Variants in XYLT1 observed in about 807,000 individuals in gnomAD.
The protein encoded by XYLT1 is xylosyltransferase 1.
A neutral mutation model predicts 91.3 loss-of-function variants in XYLT1; 36 were observed. That is an observed-to-expected ratio of 0.39 (90% CI 0.30 to 0.52). XYLT1 has a LOEUF of 0.52. Among genes scored for constraint, XYLT1 ranks in the 20% least tolerant of loss-of-function variants. The pLI, the probability that XYLT1 is intolerant of heterozygous loss-of-function variation, is 0.68. For missense variants in XYLT1, 1,242 were observed against 1,284.5 expected, an observed-to-expected ratio of 0.97 and a Z score of 0.51; for synonymous variants, 588 against 532.0, an observed-to-expected ratio of 1.11 and a Z score of -1.45.
chr16:17,388,926 G>T (rs973430432), intron 1 of XYLT1, among the ~76,000 whole-genome samples: 10 of 152,288 alleles, frequency 6.6e-5, no homozygotes, highest in African/African-American at 2.4e-4. Flanking sequence ...CAAGCATGTT[G>T]TTCTGATTGA....
At chr16:17,348,750 AT>A (rs1316775069) in intron 2 of XYLT1, among the ~76,000 whole-genome samples, 1 of 152,056 alleles carries the variant, frequency 6.6e-6, no homozygotes, top group Non-Finnish European at 1.5e-5. Context: ...TGTGAAAGCA[AT>A]TTTCTTCATT....
At chr16:17,282,715 T>G (rs1269516136) in intron 2 of XYLT1, among the ~76,000 whole-genome samples, 1 of 152,224 alleles carries the variant, frequency 6.6e-6, no homozygotes, top group Admixed American at 6.5e-5. Context: ...TGGTTGTATA[T>G]GGAGTCCAGT....
At chr16:17,193,871 A>G (rs1597182545) in intron 5 of XYLT1, 1 of 152,250 alleles carries the variant, frequency 6.6e-6, no homozygotes, top group Non-Finnish European at 1.5e-5. Context: ...GCAGTGCTTG[A>G]TGCATAAAGT....
At chr16:17,212,791 G>A (rs757955169) in intron 3 of XYLT1, among the ~76,000 whole-genome samples, 1 of 152,160 alleles carries the variant, frequency 6.6e-6, no homozygotes, top group South Asian at 2.1e-4. Flanking sequence ...GAAACTGGTG[G>A]GATAGATATT....
intron 5 of XYLT1, among the ~76,000 whole-genome samples, chr16:17,159,629 A>G (rs1213306816): frequency 6.6e-6 from 1 of 152,250 alleles, no homozygotes; most frequent in Non-Finnish European, 1.5e-5. Context: ...TGAGCAATGA[A>G]TGCATCAATG....
intron 5 of XYLT1, among the ~76,000 whole-genome samples, chr16:17,196,093 T>C (rs1339845216): frequency 1.3e-5 from 2 of 152,210 alleles, no homozygotes; most frequent in Admixed American, 6.5e-5. Flanking sequence ...CCATTCAAAC[T>C]GACCAGAGAT....
chr16:17,253,817 G>C (rs2033582251), intron 3 of XYLT1, among the ~76,000 whole-genome samples: 1 of 135,630 alleles, frequency 7.4e-6, no homozygotes, highest in Non-Finnish European at 1.5e-5. Flanking sequence ...CTTCTCCCTT[G>C]CAACTTGAGA....
intron 1 of XYLT1, among the ~76,000 whole-genome samples, chr16:17,368,568 T>C (rs2035485118): frequency 6.6e-6 from 1 of 151,398 alleles, no homozygotes; most frequent in Non-Finnish European, 1.5e-5. Flanking sequence ...GATAGATTTT[T>C]TTTTTTTTTT....
intron 2 of XYLT1, among the ~76,000 whole-genome samples, chr16:17,273,060 T>C (rs1253360010): frequency 6.6e-6 from 1 of 152,198 alleles, no homozygotes; most frequent in Non-Finnish European, 1.5e-5. Flanking sequence ...CTGTCCTGCA[T>C]CCTGCACATC....
chr16:17,164,084 G>T (rs1377469723), intron 5 of XYLT1, among the ~76,000 whole-genome samples: 1 of 134,934 alleles, frequency 7.4e-6, no homozygotes, highest in Non-Finnish European at 1.6e-5. Flanking sequence ...GACTATGCTG[G>T]TGCATGAGGG....
intron 10 of XYLT1, among the ~76,000 whole-genome samples, chr16:17,127,428 G>A (rs1389634598): frequency 6.6e-6 from 1 of 152,164 alleles, no homozygotes; most frequent in Non-Finnish European, 1.5e-5. Context: ...CAGAGGAGCA[G>A]AAATTCTACC....
chr16:17,249,978 T>C (rs2033511058), intron 3 of XYLT1: 1 of 152,304 alleles, frequency 6.6e-6, no homozygotes, highest in Non-Finnish European at 1.5e-5. Context: ...ACACAGCCTG[T>C]AGGCACCTAT....
chr16:17,232,828 G>A (rs2033188244), intron 3 of XYLT1, among the ~76,000 whole-genome samples: 1 of 152,028 alleles, frequency 6.6e-6, no homozygotes, highest in African/African-American at 2.4e-5. Context: ...TGGCAGCGGT[G>A]GTGATGGTGG....
intron 2 of XYLT1, among the ~76,000 whole-genome samples, chr16:17,338,994 C>T (rs2035028699): frequency 6.6e-6 from 1 of 152,260 alleles, no homozygotes; most frequent in East Asian, 1.9e-4. Flanking sequence ...CATCAGAAAT[C>T]TATCTTACAA....
intron 2 of XYLT1, among the ~76,000 whole-genome samples, chr16:17,350,375 C>A (rs1488070298): frequency 6.6e-6 from 1 of 152,214 alleles, no homozygotes; most frequent in Non-Finnish European, 1.5e-5. Flanking sequence ...CTGAGTCATA[C>A]AGACTAGAGA....
chr16:17,341,656 T>C (rs2035064785), intron 2 of XYLT1, among the ~76,000 whole-genome samples: 1 of 152,142 alleles, frequency 6.6e-6, no homozygotes, highest in Non-Finnish European at 1.5e-5. Flanking sequence ...AGGAAAAATC[T>C]GGAAGTAGTA....
chr16:17,174,599 G>A (rs1226101138), intron 5 of XYLT1, among the ~76,000 whole-genome samples: 1 of 152,056 alleles, frequency 6.6e-6, no homozygotes, highest in African/African-American at 2.4e-5. Flanking sequence ...AGCAGACCGG[G>A]GGTTGCCAGG....
chr16:17,394,300 C>A (rs2035857472), intron 1 of XYLT1, among the ~76,000 whole-genome samples: 1 of 152,188 alleles, frequency 6.6e-6, no homozygotes, highest in Non-Finnish European at 1.5e-5. Context: ...ATGTCACCCA[C>A]CACAGCAGCG....
In XYLT1 at chr16:17,232,429, G is replaced by GTGTGTGTGTATATA. The variant is rs1194509016; in HGVS notation, c.913+26558_913+26559insTATATACACACACA. On this transcript the variant is annotated intron_variant, in intron 3 of 11. Transcript: ENST00000261381. ...TCTGTGTGTGTGTGTGTGTGTGTGT[G>GTGTGTGTGTATATA]TATATATATATATATATATACATAT... Among the ~76,000 whole-genome samples, 9 of 121,728 alleles carry GTGTGTGTGTATATA rather than the reference G, an allele frequency of 7.4e-5. No individual in the cohort carries two copies. In the South Asian group the frequency reaches 1.3e-3, roughly 17 times the overall value. The allele number at this position is 121,728 out of a possible 152,430, so 79.9% of individuals were successfully genotyped here. A position where few individuals can be genotyped will look rare whatever the true frequency, so the allele number is the denominator to read the frequency against.
Sources: allele counts gnomAD v4.1 joint callset (sites outside exome capture counted in the v4.1 genomes callset), GRCh38; gene constraint gnomAD v4.1.1; transcripts MANE v1.5; gene names NCBI Gene and HGNC (gene_info 2026-07-23, HGNC 2026-07-21).